DLG2: variants seen among roughly 807,000 people sequenced by gnomAD.
The protein encoded by DLG2 is discs large MAGUK scaffold protein 2.
Under a neutral mutation model 132.5 loss-of-function variants are expected in DLG2, and 45 were observed. The observed-to-expected ratio is 0.34, with a 90% confidence interval of 0.27 to 0.44. DLG2 has a LOEUF of 0.44. Ranked by LOEUF, DLG2 falls within the 20% of genes least tolerant of loss-of-function variation. The pLI, the probability that DLG2 is intolerant of heterozygous loss-of-function variation, is 1.00. For synonymous variants in DLG2, 424 were observed against 419.6 expected, an observed-to-expected ratio of 1.01 and a Z score of -0.13; for missense variants, 1,045 against 1,196.9, an observed-to-expected ratio of 0.87 and a Z score of 1.87.
At chr11:85,529,989 T>TTG (rs2075076667) in intron 3 of DLG2, among the ~76,000 whole-genome samples, 2 of 147,194 alleles carry the variant, frequency 1.4e-5, no homozygotes, top group Non-Finnish European at 1.5e-5. Context: ...GAGGGTTTGT[T>TTG]TTTTTTTTTT....
chr11:83,696,551 C>T (rs1227246282), intron 18 of DLG2, among the ~76,000 whole-genome samples: 1 of 152,048 alleles, frequency 6.6e-6, no homozygotes, highest in Non-Finnish European at 1.5e-5. Context: ...AAAATCCAAC[C>T]AAGGGAATGA....
chr11:85,023,170 G>A (rs1048965569), intron 6 of DLG2, among the ~76,000 whole-genome samples: 1 of 151,950 alleles, frequency 6.6e-6, no homozygotes, highest in African/African-American at 2.4e-5. Flanking sequence ...CAAGAAGGGT[G>A]CTTTATTTGT....
chr11:83,844,678 C>T (rs1240412639), intron 16 of DLG2, among the ~76,000 whole-genome samples: 1 of 151,874 alleles, frequency 6.6e-6, no homozygotes, highest in East Asian at 1.9e-4. Context: ...GAGAGTCCAC[C>T]TGAGTCGTAG....
Position 83,650,724 on chromosome 11 carries a change from C to T in DLG2, c.1826-17399G>A, listed in dbSNP as rs1459771133. Among the ~76,000 whole-genome samples the T allele has an allele frequency of 4.6e-5, 7 of 152,276 alleles. No homozygotes were observed. The East Asian group carries it at 1.2e-3, about 25-fold the overall frequency. On this transcript the variant is annotated intron_variant, in intron 18 of 27. Coordinates refer to ENST00000376104, the MANE Select transcript of DLG2 (RefSeq NM_001142699.3). ...ATCTAGGCTATTAGCAAAATTCATA[C>T]ACAAATTCTAGCTTACTATAAAATA...
intron 6 of DLG2, among the ~76,000 whole-genome samples, chr11:84,558,997 C>G (rs1019130638): frequency 6.6e-6 from 1 of 152,006 alleles, no homozygotes; most frequent in Non-Finnish European, 1.5e-5. Context: ...CTTTTTTCTC[C>G]CCAAAAGCTT....
Position 85,147,473 on chromosome 11 carries a change from G to A in DLG2, c.282+7083C>T, listed in dbSNP as rs971619281. On this transcript the variant is annotated intron_variant, in intron 5 of 27. Coordinates refer to ENST00000376104, the MANE Select transcript of DLG2 (RefSeq NM_001142699.3). Reference sequence around the variant, plus strand: ...ATATCCACCCAAGTCTTTTGCCCATGTTTTAATTAGTTATTTGTTCCACTA... The same window carrying A: ...ATATCCACCCAAGTCTTTTGCCCATATTTTAATTAGTTATTTGTTCCACTA... Among the ~76,000 whole-genome samples the A allele has an allele frequency of 2.0e-5, 3 of 152,150 alleles. No individual in the cohort carries two copies. In the South Asian group the frequency reaches 6.2e-4, roughly 32 times the overall value.
intron 6 of DLG2, among the ~76,000 whole-genome samples, chr11:84,626,410 T>G (rs1440020302): frequency 6.6e-6 from 1 of 152,152 alleles, no homozygotes; most frequent in Non-Finnish European, 1.5e-5. Context: ...TCTATGTATC[T>G]GGAATCCTCC....
chr11:85,445,097 C>A (rs1321703519), intron 3 of DLG2, among the ~76,000 whole-genome samples: 4 of 152,166 alleles, frequency 2.6e-5, no homozygotes, highest in Admixed American at 2.0e-4. Flanking sequence ...CCAACATCTA[C>A]AAATTCTACC....
At chr11:84,288,847 T>G (rs1363551393) in intron 7 of DLG2, among the ~76,000 whole-genome samples, 2 of 152,148 alleles carry the variant, frequency 1.3e-5, no homozygotes, top group East Asian at 3.9e-4. Flanking sequence ...TCAGTTAATG[T>G]AGGGATCACA....
At chr11:85,167,777 C>T (rs1451188364) in intron 4 of DLG2, among the ~76,000 whole-genome samples, 1 of 152,052 alleles carries the variant, frequency 6.6e-6, no homozygotes, top group Non-Finnish European at 1.5e-5. Flanking sequence ...ATGCTTTTCT[C>T]TTGTTAATCT....
chr11:83,461,830 T>C, intron 27 of DLG2, 172 bp downstream of exon 27: 1 of 564,292 alleles, frequency 1.8e-6, no homozygotes, highest in South Asian at 2.3e-5. Flanking sequence ...ACCCAGGGTT[T>C]TACATCAAAA....
chr11:84,083,750 G>A (rs775283770), intron 10 of DLG2, among the ~76,000 whole-genome samples: 1 of 152,154 alleles, frequency 6.6e-6, no homozygotes, highest in African/African-American at 2.4e-5. Context: ...CCAGAACCAT[G>A]AGCCTAAGAA....
At chr11:84,599,844 T>C (rs2099571554) in intron 6 of DLG2, among the ~76,000 whole-genome samples, 1 of 151,634 alleles carries the variant, frequency 6.6e-6, no homozygotes, top group Non-Finnish European at 1.5e-5. Flanking sequence ...TCAGCCAGGG[T>C]AACATGGCAA....
chr11:84,655,742 T>G (rs12794086), intron 6 of DLG2, among the ~76,000 whole-genome samples: 5,644 of 151,536 alleles, frequency 0.037, 150 homozygotes, highest in Non-Finnish European at 0.058. Flanking sequence ...TTGTTTGTTT[T>G]TTTTTTTTTT....
chr11:84,251,111 A>G (rs2097366158), intron 8 of DLG2, 127 bp downstream of exon 8: 1 of 541,386 alleles, frequency 1.8e-6, no homozygotes, highest in South Asian at 4.1e-5. Flanking sequence ...AAGAAAATTT[A>G]CAAAACTACA....
At chr11:85,023,255 T>C (rs1431249607) in intron 6 of DLG2, among the ~76,000 whole-genome samples, 1 of 152,070 alleles carries the variant, frequency 6.6e-6, no homozygotes, top group Non-Finnish European at 1.5e-5. Context: ...CTCAGATTTA[T>C]GTATGTCCTT....
At position 83,456,274 on chromosome 11, in the gene DLG2, T is replaced by G. The variant is rs2088960936; in HGVS notation, c.*3544A>C. On this transcript the variant is annotated 3_prime_UTR_variant, in exon 28 of 28. Transcript: ENST00000376104. ...GGGCCCACAGCACATGCATCATCGC[T>G]GCCAGGGCAACGGTGCAGGCTGGCT... 1 of 152,902 alleles carries G rather than the reference T, an allele frequency of 6.5e-6. No homozygotes were observed. The highest frequency in any genetic ancestry group is 2.4e-5 in the African/African-American group (1 of 41,460). The allele number at this position is 152,902 out of a possible 1,614,324, so 9.5% of individuals were successfully genotyped here. A position where few individuals can be genotyped will look rare whatever the true frequency, so the allele number is the denominator to read the frequency against.
intron 3 of DLG2, among the ~76,000 whole-genome samples, chr11:85,412,760 C>CACACACACATATATATATATAT (rs756868795): frequency 8.8e-6 from 1 of 113,244 alleles, no homozygotes; most frequent in African/African-American, 3.7e-5. Flanking sequence ...CACACACACA[C>CACACACACATATATATATATAT]ATATATATAT....
chr11:84,978,588 G>A (rs945117001), intron 6 of DLG2, among the ~76,000 whole-genome samples: 2 of 152,096 alleles, frequency 1.3e-5, no homozygotes, highest in Admixed American at 6.6e-5. Context: ...TTAATAAATG[G>A]TGCTGGGAAA....
Sources: gnomAD v4.1 joint callset for allele counts (sites outside exome capture counted in the v4.1 genomes callset) on GRCh38, gnomAD v4.1.1 for gene constraint, MANE v1.5 for transcripts, NCBI Gene and HGNC (gene_info 2026-07-23, HGNC 2026-07-21) for gene names.